Variants in RXRG observed in about 807,000 individuals in gnomAD.
RXRG encodes the protein retinoic acid receptor RXR-gamma.
RXRG carries 19 observed loss-of-function variants against 49.2 expected under a neutral mutation model. The observed-to-expected ratio is 0.39, with a 90% CI of 0.27 to 0.57. RXRG has a LOEUF of 0.57. Ranked by LOEUF, RXRG falls within the 20% of genes least tolerant of loss-of-function variation. The pLI, the probability that RXRG is intolerant of heterozygous loss-of-function variation, is 0.64. For missense variants in RXRG, 452 were observed against 592.5 expected, an observed-to-expected ratio of 0.76 and a Z score of 2.46; for synonymous variants, 224 against 216.6, an observed-to-expected ratio of 1.03 and a Z score of -0.30.
chr1:165,417,333 T>C (rs1289962435), intron 3 of RXRG, 113 bp from the exon 4 acceptor site: 1 of 933,722 alleles, frequency 1.1e-6, no homozygotes, highest in Non-Finnish European at 1.6e-6. Flanking sequence ...ACTTGGGCAT[T>C]GGGACAGAAA....
intron 1 of RXRG, 30 bp from the exon 2 acceptor site, chr1:165,428,996 G>A: frequency 6.3e-7 from 1 of 1,599,194 alleles, no homozygotes; most frequent in Non-Finnish European, 8.5e-7. Context: ...GATGGTGGGA[G>A]GTTGGGGAAC....
intron 1 of RXRG, among the ~76,000 whole-genome samples, chr1:165,432,582 T>G (rs1175588270): frequency 3.3e-5 from 5 of 152,356 alleles, no homozygotes; most frequent in East Asian, 1.9e-4. Flanking sequence ...CACTCCTTTT[T>G]TTTGTTTGTT....
chr1:165,429,004 A>G, intron 1 of RXRG, 38 bp from the exon 2 acceptor site: 1 of 1,594,098 alleles, frequency 6.3e-7, no homozygotes, highest in Non-Finnish European at 8.5e-7. Flanking sequence ...GAGGTTGGGG[A>G]ACATGGAAAG....
chr1:165,405,065 T>C (rs954331382), intron 9 of RXRG, among the ~76,000 whole-genome samples: 2 of 152,188 alleles, frequency 1.3e-5, no homozygotes, highest in Admixed American at 1.3e-4. Context: ...TTTTAAAAAA[T>C]ATTTTTATAA....
intron 1 of RXRG, among the ~76,000 whole-genome samples, chr1:165,430,554 G>T (rs1658643606): frequency 6.6e-6 from 1 of 152,226 alleles, no homozygotes; most frequent in Non-Finnish European, 1.5e-5. Flanking sequence ...AGGAAGCTGT[G>T]ACCCTCTTGT....
At chr1:165,421,001 T>A (rs1416084153) in intron 2 of RXRG, among the ~76,000 whole-genome samples, 1 of 152,232 alleles carries the variant, frequency 6.6e-6, no homozygotes, top group South Asian at 2.1e-4. Context: ...TTGAATCATA[T>A]TGCCTAACCA....
chr1:165,409,643 C>T lies in RXRG; in HGVS notation c.961G>A (p.Val321Met), dbSNP rs761649501. 78 of 1,573,448 alleles carry T rather than the reference C, an allele frequency of 5.0e-5. 1 individual carries two copies. The highest frequency in any genetic ancestry group is 4.4e-4 in the South Asian group (37 of 84,544). ...IASFSHRSVS[V>M]QDGILLATGL... ...GTGGCCAGAAGGATGCCATCCTGCA[C>T]GGAAACTGAGCGGTGGGAGAAAGAG... is the stretch of plus-strand genomic sequence containing the variant. Residue 321 changes from valine to methionine, a missense_variant, in exon 7 of 10, where the codon GTG (valine) becomes ATG (methionine). Around this residue, in one of 2 missense-constraint regions of RXRG, gnomAD observed 286 missense variants for 440.9 expected, o/e 0.65. Transcript: ENST00000359842.
chr1:165,424,464 A>G (rs1658418141), intron 2 of RXRG, among the ~76,000 whole-genome samples: 1 of 152,236 alleles, frequency 6.6e-6, no homozygotes, highest in South Asian at 2.1e-4. Flanking sequence ...CTTCTTTGAC[A>G]TGCCTAAAAA....
At chr1:165,403,744 A>ATTAACTTTAAAAAATTTTT (rs1461382958) in intron 9 of RXRG, among the ~76,000 whole-genome samples, 2 of 152,336 alleles carry the variant, frequency 1.3e-5, no homozygotes, top group African/African-American at 4.8e-5. Flanking sequence ...TTAGACTGGG[A>ATTAACTTTAAAAAATTTTT]TTAACTTTAA....
At position 165,419,936 on chromosome 1, in the gene RXRG, A is replaced by G; in HGVS notation, c.376T>C (p.Tyr126His). The stretch of plus-strand genomic sequence containing the variant: ...AGAGATCCGGGGCTGGTGGATGGGT[A>G]GTTCATGTTTCCAATCCCGGGAAGC... ...PGLPGIGNMNYPSTSPGSLVK... is the reference protein window; with the variant it reads ...PGLPGIGNMNHPSTSPGSLVK... The change falls in exon 3 of 10, where the codon TAC becomes CAC. Residue 126 changes from tyrosine to histidine, a missense_variant. Physicochemically the swap from Tyr to His is moderately conservative, Grantham distance 83 (BLOSUM62 2). Around this residue, in one of 2 missense-constraint regions of RXRG, gnomAD observed 286 missense variants for 440.9 expected, o/e 0.65. Coordinates refer to ENST00000359842, the MANE Select transcript of RXRG (RefSeq NM_006917.5). 6.2e-7 allele frequency: 1 copy of G among 1,613,636 alleles called. No individual in the cohort carries two copies. Among genetic ancestry groups the G allele is most frequent in the South Asian group, 1.1e-5 (1 of 90,952 alleles).
At chr1:165,432,262 G>T (rs1658694302) in intron 1 of RXRG, among the ~76,000 whole-genome samples, 1 of 152,100 alleles carries the variant, frequency 6.6e-6, no homozygotes, top group Non-Finnish European at 1.5e-5. Flanking sequence ...GTTAAAGTTT[G>T]GTTCTCAATG....
At chr1:165,405,872 A>C (rs990685098) in intron 9 of RXRG, among the ~76,000 whole-genome samples, 6 of 152,250 alleles carry the variant, frequency 3.9e-5, no homozygotes, top group African/African-American at 1.4e-4. Flanking sequence ...AACACAGCTC[A>C]GTCTCTTCTG....
chr1:165,430,837 C>G (rs1472546226), intron 1 of RXRG, among the ~76,000 whole-genome samples: 2 of 152,200 alleles, frequency 1.3e-5, no homozygotes, highest in African/African-American at 4.8e-5. Context: ...CATCTAACCC[C>G]ATACCATTTC....
At chr1:165,416,947 G>A in intron 4 of RXRG, 94 bp downstream of exon 4, 1 of 1,213,738 alleles carries the variant, frequency 8.2e-7, no homozygotes, top group Non-Finnish European at 1.2e-6. Context: ...GATGACTTTG[G>A]GCACCATGAC....
Position 165,409,575 on chromosome 1 carries a change from G to C in RXRG, c.1029C>G (p.Val343=). ...AGAGACACCTGTCAAAGATGGAGCC[G>C]ACCCCAGCACTGTGGGCACTGCTCC... ...VHRSSAHSAG[V]GSIFDRVLTE... The change falls in exon 7 of 10, where the codon GTC becomes GTG. Residue 343 remains valine, a synonymous_variant. Transcript: ENST00000359842. 1 of 1,501,256 alleles carries C rather than the reference G, an allele frequency of 6.7e-7. No individual in the cohort carries two copies. Among genetic ancestry groups the C allele is most frequent in the Non-Finnish European group, 8.9e-7 (1 of 1,126,030 alleles). The allele number at this position is 1,501,256 out of a possible 1,614,324, so 93.0% of individuals were successfully genotyped here. A position where few individuals can be genotyped will look rare whatever the true frequency, so the allele number is the denominator to read the frequency against.
intron 1 of RXRG, among the ~76,000 whole-genome samples, chr1:165,429,306 C>G (rs567345515): frequency 1.3e-5 from 2 of 152,166 alleles, no homozygotes; most frequent in Admixed American, 6.5e-5. Flanking sequence ...CCTGGGCCAG[C>G]CAGCCAGGGA....
intron 1 of RXRG, among the ~76,000 whole-genome samples, chr1:165,440,206 C>T (rs751596978): frequency 3.3e-5 from 5 of 152,150 alleles, no homozygotes; most frequent in Non-Finnish European, 5.9e-5. Context: ...TGCTGCTTTT[C>T]CTCATATTCA....
intron 1 of RXRG, among the ~76,000 whole-genome samples, chr1:165,429,901 T>C (rs1321170054): frequency 1.3e-5 from 2 of 152,138 alleles, no homozygotes; most frequent in South Asian, 2.1e-4. Flanking sequence ...TCCTGTCATC[T>C]TGGGAGCCCC....
At chr1:165,444,437 A>C (rs1442624307) in intron 1 of RXRG, among the ~76,000 whole-genome samples, 1 of 152,204 alleles carries the variant, frequency 6.6e-6, no homozygotes, top group East Asian at 1.9e-4. Context: ...AAACCTTTTT[A>C]ATCACATTTT....
Sources: allele counts gnomAD v4.1 joint callset (sites outside exome capture counted in the v4.1 genomes callset), GRCh38; gene constraint gnomAD v4.1.1; regional missense constraint gnomAD v4.1.1; transcripts MANE v1.5; gene names NCBI Gene and HGNC (gene_info 2026-07-23, HGNC 2026-07-21).